The following ZFHX4 variants were observed in gnomAD, a reference collection of about 807,000 sequenced individuals.
The protein encoded by ZFHX4 is zinc finger homeobox protein 4.
Under a neutral mutation model 267.6 loss-of-function variants are expected in ZFHX4, and 56 were observed. That is an observed-to-expected ratio of 0.21 (90% CI 0.17 to 0.26). The LOEUF is 0.26. Ranked by LOEUF, ZFHX4 falls within the 10% of genes least tolerant of loss-of-function variation. The pLI is 1.00. For missense variants in ZFHX4, 4,332 were observed against 4,420.0 expected (o/e 0.98, Z 0.56); for synonymous variants, 1,778 against 1,665.6 (o/e 1.07, Z -1.64).
rs1156937883 is a variant in ZFHX4, at chr8:76,707,581, A to G, written c.2626A>G (p.Ser876Gly). The G allele has an allele frequency of 1.3e-6, 2 of 1,598,354 alleles. No individual in the cohort carries two copies. Among genetic ancestry groups the G allele is most frequent in the South Asian group, 2.2e-5 (2 of 88,980 alleles). The change falls in exon 3 of 11, where the codon AGT becomes GGT. Residue 876 changes from serine to glycine, a missense_variant. Coordinates refer to ENST00000651372, the MANE Select transcript of ZFHX4 (RefSeq NM_024721.5). ...NELPPEIRLA[S>G]GQLMGDDLSL... ...GCTGCCGCCTGAAATCCGGCTTGCC[A>G]GTGGTCAGCTAATGGGTGATGACCT...
intron 3 of ZFHX4, among the ~76,000 whole-genome samples, chr8:76,731,856 C>CATTATT (rs76950838): frequency 0.14 from 20,629 of 143,680 alleles, 1,693 homozygotes; most frequent in East Asian, 0.3. Context: ...TGGTGCCACA[C>CATTATT]ATTATTATTA....
At chr8:76,708,491 CATA>C (rs1441012289) in intron 3 of ZFHX4, among the ~76,000 whole-genome samples, 2 of 151,924 alleles carry the variant, frequency 1.3e-5, no homozygotes, top group Non-Finnish European at 2.9e-5. Flanking sequence ...ACGCTCCAAA[CATA>C]ATGTTTGTTT....
At chr8:76,750,655 A>G (rs543410286) in intron 3 of ZFHX4, among the ~76,000 whole-genome samples, 14 of 152,278 alleles carry the variant, frequency 9.2e-5, no homozygotes, top group African/African-American at 3.4e-4. Context: ...TCCCAGCTAT[A>G]CTGTAAATTC....
intron 3 of ZFHX4, among the ~76,000 whole-genome samples, chr8:76,765,319 T>C (rs1448532688): frequency 6.6e-6 from 1 of 152,164 alleles, no homozygotes; most frequent in Non-Finnish European, 1.5e-5. Context: ...ATGTTAACTA[T>C]ACCTATTTTT....
chr8:76,753,275 G>T (rs578080393), intron 3 of ZFHX4, among the ~76,000 whole-genome samples: 15 of 152,172 alleles, frequency 9.9e-5, no homozygotes, highest in Admixed American at 4.6e-4. Context: ...TACCTATATG[G>T]ATAAATGACA....
At chr8:76,714,345 G>C (rs1808509175) in intron 3 of ZFHX4, among the ~76,000 whole-genome samples, 1 of 152,322 alleles carries the variant, frequency 6.6e-6, no homozygotes, top group African/African-American at 2.4e-5. Context: ...GAGTGAGGAG[G>C]AGCTGGCATG....
Position 76,767,662 on chromosome 8 carries a change from C to T in ZFHX4, c.3094-10546C>T, listed in dbSNP as rs139854523. The stretch of plus-strand genomic sequence containing the variant: ...ACCACATTTTAAAAAAGAAATTAAG[C>T]CTTCAAAGAATTAAGTAACTTCCAA... On this transcript the variant is annotated intron_variant, in intron 3 of 10. Coordinates refer to ENST00000651372, the MANE Select transcript of ZFHX4 (RefSeq NM_024721.5). Among the ~76,000 whole-genome samples the T allele has an allele frequency of 1.9e-4, 29 of 152,184 alleles. No individual in the cohort carries two copies. The East Asian group carries it at 5.4e-3, about 28-fold the overall frequency.
At chr8:76,794,010 T>A (rs1457571138) in intron 4 of ZFHX4, among the ~76,000 whole-genome samples, 1 of 152,214 alleles carries the variant, frequency 6.6e-6, no homozygotes, top group African/African-American at 2.4e-5. Flanking sequence ...GCCCTTTCTC[T>A]TCTGACTCAT....
rs550265421 is a variant in ZFHX4, at chr8:76,801,400, C to A, written c.3325+22961C>A. Among the ~76,000 whole-genome samples the A allele has an allele frequency of 2.0e-5, 3 of 152,248 alleles. No individual in the cohort carries two copies. The East Asian group carries it at 5.8e-4, about 29-fold the overall frequency. On this transcript the variant is annotated intron_variant, in intron 4 of 10. Transcript: ENST00000651372. ...TGTTTGATTTAAAAGGACCGTTTAACCTTATTGTTTTAAAAGAACTCTTTG... is the reference window on the plus strand; with the variant it reads ...TGTTTGATTTAAAAGGACCGTTTAAACTTATTGTTTTAAAAGAACTCTTTG...
intron 3 of ZFHX4, among the ~76,000 whole-genome samples, chr8:76,771,885 G>T (rs917946728): frequency 6.6e-6 from 1 of 152,152 alleles, no homozygotes; most frequent in Non-Finnish European, 1.5e-5. Context: ...GTAGGGAAGA[G>T]AAAGCATCAA....
chr8:76,740,488 T>A (rs1367710199), intron 3 of ZFHX4, among the ~76,000 whole-genome samples: 1 of 151,126 alleles, frequency 6.6e-6, no homozygotes, highest in Admixed American at 6.6e-5. Context: ...CCCCAAAACC[T>A]ACTGGGGAAA....
intron 3 of ZFHX4, among the ~76,000 whole-genome samples, chr8:76,735,504 T>A (rs1176591606): frequency 2.0e-5 from 3 of 152,156 alleles, no homozygotes; most frequent in Non-Finnish European, 4.4e-5. Context: ...TATTTTTGCA[T>A]CCACAACTTC....
At chr8:76,733,261 C>G (rs1809069648) in intron 3 of ZFHX4, 1 of 152,084 alleles carries the variant, frequency 6.6e-6, no homozygotes. Flanking sequence ...TCAGTTTTGC[C>G]AATCGTTTTT....
At chr8:76,771,228 C>T (rs2131750899) in intron 3 of ZFHX4, among the ~76,000 whole-genome samples, 1 of 152,238 alleles carries the variant, frequency 6.6e-6, no homozygotes, top group Non-Finnish European at 1.5e-5. Flanking sequence ...TTTCTCTTCA[C>T]AGCCCTTATA....
intron 4 of ZFHX4, among the ~76,000 whole-genome samples, chr8:76,814,074 TA>T (rs111801227): frequency 2.0e-5 from 3 of 151,870 alleles, no homozygotes; most frequent in African/African-American, 4.8e-5. Context: ...TTTTTTTATT[TA>T]AAAAAAAGAT....
chr8:76,787,638 T>TGA (rs1371747635), intron 4 of ZFHX4, among the ~76,000 whole-genome samples: 109 of 62,204 alleles, frequency 1.8e-3, no homozygotes, highest in African/African-American at 6.4e-3. Context: ...CCATCTCCAC[T>TGA]AAAAAAAAAA....
rs1812535661 is a variant in ZFHX4, at chr8:76,851,849, A to G, written c.4928A>G (p.Asn1643Ser). 4.3e-6 allele frequency: 7 copies of G among 1,613,852 alleles called. No homozygotes were observed. The highest frequency in any genetic ancestry group is 1.3e-5 in the African/African-American group (1 of 74,940). Residue 1643 changes from asparagine (N) to serine (S), a missense_variant, in exon 10 of 11, where the codon AAC becomes AGC. This residue lies in a region of ZFHX4 where 1,371 missense variants were observed against 1,423.1 expected (regional missense o/e 0.96). Transcript: ENST00000651372. ...AGGHSIAANV[N>S]SPGQGMLDSM... ...GGGCACAGCATTGCAGCAAATGTCA[A>G]CAGCCCTGGCCAGGGGATGTTAGAT... is the stretch of plus-strand genomic sequence containing the variant.
rs529242140 is a variant in ZFHX4, at chr8:76,844,374, C to T, written c.3511+1603C>T. ...ATATCTGATTTGTGTTAATTCAATG[C>T]CCATGTAATCCCGAGGTATATGACA... On this transcript the variant is annotated intron_variant, in intron 6 of 10. Coordinates refer to ENST00000651372, the MANE Select transcript of ZFHX4 (RefSeq NM_024721.5). 1.2e-4 allele frequency among the ~76,000 whole-genome samples: 18 copies of T among 152,140 alleles called. No homozygotes were observed. The Middle Eastern group carries it at 0.01, about 86-fold the overall frequency.
rs556560444 is a variant in ZFHX4, at chr8:76,779,739, G to A, written c.3325+1300G>A. Among the ~76,000 whole-genome samples the A allele has an allele frequency of 3.3e-5, 5 of 152,058 alleles. No individual in the cohort carries two copies. The South Asian group carries it at 6.2e-4, about 19-fold the overall frequency. On this transcript the variant is annotated intron_variant, in intron 4 of 10. Coordinates refer to ENST00000651372, the MANE Select transcript of ZFHX4 (RefSeq NM_024721.5). ...ATTATTTCAAATTTTATGTAGTGGCGTAAGGGGGTCTGGCATGACTGGGCT... is the reference window on the plus strand; with the variant it reads ...ATTATTTCAAATTTTATGTAGTGGCATAAGGGGGTCTGGCATGACTGGGCT...
Sources: gnomAD v4.1 joint callset for allele counts (sites outside exome capture counted in the v4.1 genomes callset) on GRCh38, gnomAD v4.1.1 for gene constraint, gnomAD v4.1.1 regional missense constraint, MANE v1.5 for transcripts, NCBI Gene and HGNC (gene_info 2026-07-23, HGNC 2026-07-21) for gene names.